The following KCNJ6 variants were observed in gnomAD, a reference collection of about 807,000 sequenced individuals.
KCNJ6 encodes G protein-activated inward rectifier potassium channel 2.
In KCNJ6, 9 loss-of-function variants were observed where a neutral mutation model predicts 34.2. The observed-to-expected ratio is 0.26, with a 90% confidence interval of 0.16 to 0.46. The LOEUF (loss-of-function observed/expected upper bound fraction) is 0.46, where lower values mean the gene tolerates loss of function less well. Ranked by LOEUF, KCNJ6 falls within the 20% of genes least tolerant of loss-of-function variation. The pLI is 1.00. For missense variants in KCNJ6, 236 were observed against 531.3 expected, an observed-to-expected ratio of 0.44 and a Z score of 5.46; for synonymous variants, 196 against 207.1, an observed-to-expected ratio of 0.95 and a Z score of 0.46.
intron 2 of KCNJ6, among the ~76,000 whole-genome samples, chr21:37,718,681 G>A (rs1261904917): frequency 6.6e-6 from 1 of 152,078 alleles, no homozygotes; most frequent in Non-Finnish European, 1.5e-5. Context: ...TGGGGGATTG[G>A]GGGAGGGATA....
intron 2 of KCNJ6, among the ~76,000 whole-genome samples, chr21:37,820,285 C>G (rs1252608200): frequency 2.6e-5 from 4 of 152,172 alleles, no homozygotes; most frequent in Non-Finnish European, 5.9e-5. Context: ...TGGCTACTCC[C>G]AGCTTTTTGC....
chr21:37,884,107 T>C (rs1217307754), intron 1 of KCNJ6, among the ~76,000 whole-genome samples: 3 of 152,214 alleles, frequency 2.0e-5, no homozygotes, highest in Non-Finnish European at 4.4e-5. Context: ...CTTACTACTT[T>C]GCTCGTGTAG....
intron 2 of KCNJ6, among the ~76,000 whole-genome samples, chr21:37,834,849 A>G (rs1485629586): frequency 6.6e-6 from 1 of 152,244 alleles, no homozygotes; most frequent in African/African-American, 2.4e-5. Flanking sequence ...AAAAGAAACC[A>G]TAGTCTTTTT....
chr21:37,692,186 C>G (rs2054642991), intron 3 of KCNJ6, among the ~76,000 whole-genome samples: 1 of 152,086 alleles, frequency 6.6e-6, no homozygotes, highest in South Asian at 2.1e-4. Flanking sequence ...ATGTTCTGCA[C>G]AAGTATCCCA....
At chr21:37,787,006 T>C (rs2055195825) in intron 2 of KCNJ6, among the ~76,000 whole-genome samples, 1 of 152,214 alleles carries the variant, frequency 6.6e-6, no homozygotes, top group Non-Finnish European at 1.5e-5. Flanking sequence ...GCTTTGCACA[T>C]AGTAGGACCT....
intron 1 of KCNJ6, among the ~76,000 whole-genome samples, chr21:37,890,568 T>G (rs190946710): frequency 6.0e-4 from 92 of 152,360 alleles, no homozygotes; most frequent in African/African-American, 2.1e-3. Context: ...AAGGCTGACC[T>G]GCCTTCAGCT....
rs141594248 is a variant in KCNJ6, at chr21:37,855,866, ACT to A, written c.-27-15159_-27-15158del. ...ATCTATCTGTGAGGAAGAAAAAATG[ACT>A]CTCTCCACTTTTAGCTATAAGGTGG... is the stretch of plus-strand genomic sequence containing the variant. On this transcript the variant is annotated intron_variant, in intron 1 of 3. Coordinates refer to ENST00000609713, the MANE Select transcript of KCNJ6 (RefSeq NM_002240.5). 9.7e-3 allele frequency among the ~76,000 whole-genome samples: 1,480 copies of A among 152,236 alleles called. 8 individuals carry two copies. The highest frequency in any genetic ancestry group is 0.015 in the Non-Finnish European group (1,038 of 68,022).
chr21:37,724,594 T>C (rs888875648), intron 2 of KCNJ6, among the ~76,000 whole-genome samples: 1 of 152,070 alleles, frequency 6.6e-6, no homozygotes, highest in Non-Finnish European at 1.5e-5. Flanking sequence ...AATGACCCAA[T>C]GGCGGTTGGG....
At chr21:37,633,212 A>G (rs1168852799) in intron 3 of KCNJ6, among the ~76,000 whole-genome samples, 1 of 152,160 alleles carries the variant, frequency 6.6e-6, no homozygotes, top group East Asian at 1.9e-4. Context: ...ATAATTTATC[A>G]TGTTAAAAGA....
At chr21:37,664,274 C>G (rs1332668848) in intron 3 of KCNJ6, among the ~76,000 whole-genome samples, 1 of 151,450 alleles carries the variant, frequency 6.6e-6, no homozygotes, top group African/African-American at 2.4e-5. Context: ...AGCGAAACAC[C>G]CACTTTAAGA....
chr21:37,676,867 C>T (rs573567607), intron 3 of KCNJ6, among the ~76,000 whole-genome samples: 19 of 152,320 alleles, frequency 1.2e-4, no homozygotes, highest in Admixed American at 2.0e-4. Flanking sequence ...TGAGGAACCA[C>T]GAGAGAAAGC....
intron 2 of KCNJ6, among the ~76,000 whole-genome samples, chr21:37,769,831 G>A (rs2055109198): frequency 2.0e-5 from 3 of 152,108 alleles, no homozygotes; most frequent in Non-Finnish European, 4.4e-5. Flanking sequence ...TTGCTAAAGA[G>A]GCTTCATGCA....
chr21:37,884,826 G>A (rs1199419793), intron 1 of KCNJ6, among the ~76,000 whole-genome samples: 1 of 152,102 alleles, frequency 6.6e-6, no homozygotes, highest in East Asian at 1.9e-4. Flanking sequence ...GGCTACTTAT[G>A]GGTCCTAAAT....
chr21:37,893,698 CA>C (rs2123637583), intron 1 of KCNJ6, among the ~76,000 whole-genome samples: 1 of 104,582 alleles, frequency 9.6e-6, no homozygotes, highest in South Asian at 4.0e-4. Context: ...TTCTGTCCAA[CA>C]AATACTACCT....
intron 1 of KCNJ6, among the ~76,000 whole-genome samples, chr21:37,896,088 G>C (rs66942900): frequency 6.6e-6 from 1 of 152,164 alleles, no homozygotes; most frequent in East Asian, 1.9e-4. Context: ...CAATCATGTC[G>C]GAAGGAAGAG....
chr21:37,813,828 A>G (rs2055333846), intron 2 of KCNJ6, among the ~76,000 whole-genome samples: 1 of 152,240 alleles, frequency 6.6e-6, no homozygotes. Context: ...GAAAATCTCC[A>G]GAACATTGGT....
At chr21:37,869,499 G>A (rs1431543606) in intron 1 of KCNJ6, among the ~76,000 whole-genome samples, 1 of 152,226 alleles carries the variant, frequency 6.6e-6, no homozygotes, top group Non-Finnish European at 1.5e-5. Flanking sequence ...ATCCTGATAG[G>A]AACATTTGCC....
At chr21:37,712,265 T>G (rs2054756862) in intron 3 of KCNJ6, among the ~76,000 whole-genome samples, 1 of 152,050 alleles carries the variant, frequency 6.6e-6, no homozygotes, top group Non-Finnish European at 1.5e-5. Flanking sequence ...CTTGGGGGAA[T>G]TTATGGTGAA....
chr21:37,745,120 G>C (rs2054961489), intron 2 of KCNJ6, among the ~76,000 whole-genome samples: 1 of 133,142 alleles, frequency 7.5e-6, no homozygotes, highest in African/African-American at 3.0e-5. Context: ...TGACAGACAG[G>C]GTCTTGCTGT....
Sources: gnomAD v4.1 joint callset for allele counts (sites outside exome capture counted in the v4.1 genomes callset) on GRCh38, gnomAD v4.1.1 for gene constraint, MANE v1.5 for transcripts, NCBI Gene and HGNC (gene_info 2026-07-23, HGNC 2026-07-21) for gene names.